Variants in CSNK2A2IP observed in about 807,000 individuals in gnomAD.
CSNK2A2IP encodes casein kinase 2 subunit alpha' interacting protein, also known as casein kinase II subunit alpha'-interacting protein.
the CSNK2A2IP span, among the ~76,000 whole-genome samples, chr3:88,432,209 TA>T: frequency 6.6e-6 from 1 of 151,960 alleles, no homozygotes; most frequent in Non-Finnish European, 1.5e-5. Flanking sequence ...ACCTACCAGT[TA>T]ATATTTTCAC....
At chr3:88,384,745 T>C in the CSNK2A2IP span, among the ~76,000 whole-genome samples, 1 of 152,154 alleles carries the variant, frequency 6.6e-6, no homozygotes, top group South Asian at 2.1e-4. Context: ...ATGCTATTTT[T>C]CAGGTGGAAG....
chr3:88,426,341 CT>C, the CSNK2A2IP span, among the ~76,000 whole-genome samples: 1 of 152,144 alleles, frequency 6.6e-6, no homozygotes, highest in Non-Finnish European at 1.5e-5. Flanking sequence ...ACTCCATAGC[CT>C]TTGGAGTTAA....
At chr3:88,378,386 G>A in the CSNK2A2IP span, among the ~76,000 whole-genome samples, 1 of 151,644 alleles carries the variant, frequency 6.6e-6, no homozygotes, top group Non-Finnish European at 1.5e-5. Context: ...ACTCAACTCA[G>A]TTGTATATTG....
the CSNK2A2IP span, among the ~76,000 whole-genome samples, chr3:88,457,751 A>AAAATAAAATC: frequency 0.034 from 5,050 of 147,872 alleles, 211 homozygotes; most frequent in Non-Finnish European, 0.052. Context: ...AAAATAAAAT[A>AAAATAAAATC]AAATCTAGTA....
At chr3:88,367,177 C>A in the CSNK2A2IP span, among the ~76,000 whole-genome samples, 4 of 152,052 alleles carry the variant, frequency 2.6e-5, no homozygotes, top group South Asian at 2.1e-4. Flanking sequence ...TGTGCTTGAA[C>A]CTGCTCCCTC....
At chr3:88,428,202 G>T in the CSNK2A2IP span, among the ~76,000 whole-genome samples, 15 of 152,144 alleles carry the variant, frequency 9.9e-5, no homozygotes, top group Admixed American at 9.8e-4. Flanking sequence ...TAGCCCCTTT[G>T]TTTTAGCTAA....
the CSNK2A2IP span, among the ~76,000 whole-genome samples, chr3:88,342,157 A>T: frequency 6.9e-3 from 1,050 of 152,106 alleles, 15 homozygotes; most frequent in African/African-American, 0.024. Flanking sequence ...GTATAGGTAT[A>T]TGCCTTCAGA....
At chr3:88,464,891 AT>A in the CSNK2A2IP span, among the ~76,000 whole-genome samples, 1 of 152,152 alleles carries the variant, frequency 6.6e-6, no homozygotes, top group Admixed American at 6.5e-5. Flanking sequence ...ATATTTGTCT[AT>A]TTTACAGATG....
the CSNK2A2IP span, among the ~76,000 whole-genome samples, chr3:88,400,898 AG>A: frequency 1.3e-5 from 2 of 152,206 alleles, no homozygotes; most frequent in Admixed American, 1.3e-4. Flanking sequence ...CATGATGCAG[AG>A]GGAGAAAAGC....
At chr3:88,359,223 G>C in the CSNK2A2IP span, among the ~76,000 whole-genome samples, 1 of 151,550 alleles carries the variant, frequency 6.6e-6, no homozygotes, top group Non-Finnish European at 1.5e-5. Context: ...TGTGGCATCA[G>C]TTGTAATGTC....
chr3:88,389,064 C>G, the CSNK2A2IP span, among the ~76,000 whole-genome samples: 2 of 151,796 alleles, frequency 1.3e-5, no homozygotes, highest in African/African-American at 4.8e-5. Flanking sequence ...TATTTTACTG[C>G]GAGGAGATAC....
At chr3:88,365,077 T>C in the CSNK2A2IP span, among the ~76,000 whole-genome samples, 1 of 152,116 alleles carries the variant, frequency 6.6e-6, no homozygotes, top group Non-Finnish European at 1.5e-5. Flanking sequence ...TGATCCAGGA[T>C]GTGGATCCAA....
At chr3:88,347,980 G>C in the CSNK2A2IP span, among the ~76,000 whole-genome samples, 1 of 151,816 alleles carries the variant, frequency 6.6e-6, no homozygotes, top group African/African-American at 2.4e-5. Context: ...TAAAGAAATA[G>C]TACCTCTCCA....
chr3:88,456,252 T>C, the CSNK2A2IP span, among the ~76,000 whole-genome samples: 1 of 152,100 alleles, frequency 6.6e-6, no homozygotes, highest in African/African-American at 2.4e-5. Flanking sequence ...AATTTTGATA[T>C]GGGTTCCAGT....
At chr3:88,421,311 A>T in the CSNK2A2IP span, among the ~76,000 whole-genome samples, 1 of 152,212 alleles carries the variant, frequency 6.6e-6, no homozygotes, top group African/African-American at 2.4e-5. Flanking sequence ...AAGGCCGTCT[A>T]GTTCCCCCAT....
At chr3:88,422,911 G>T in the CSNK2A2IP span, among the ~76,000 whole-genome samples, 1 of 152,122 alleles carries the variant, frequency 6.6e-6, no homozygotes, top group African/African-American at 2.4e-5. Context: ...TACAGTTTTA[G>T]TATATTTAGT....
chr3:88,466,166 C>A, the CSNK2A2IP span: 14 of 1,231,540 alleles, frequency 1.1e-5, no homozygotes, highest in Non-Finnish European at 1.4e-5. Flanking sequence ...ATTGCTCTTA[C>A]CTCTCCATTA....
chr3:88,421,321 T>G, the CSNK2A2IP span, among the ~76,000 whole-genome samples: 6 of 152,158 alleles, frequency 3.9e-5, no homozygotes, highest in African/African-American at 1.4e-4. Context: ...AGTTCCCCCA[T>G]AACTCCACAA....
chr3:88,414,940 G>A, the CSNK2A2IP span, among the ~76,000 whole-genome samples: 2 of 151,900 alleles, frequency 1.3e-5, no homozygotes, highest in South Asian at 4.2e-4. Flanking sequence ...AAAGCCATGT[G>A]CTCAAAGATT....
Sources: allele counts gnomAD v4.1 joint callset (sites outside exome capture counted in the v4.1 genomes callset), GRCh38; gene constraint gnomAD v4.1.1; transcripts MANE v1.5; gene names NCBI Gene and HGNC (gene_info 2026-07-23, HGNC 2026-07-21).